AGTPBP1: variants seen among roughly 807,000 people sequenced by gnomAD.
AGTPBP1 encodes ATP/GTP binding carboxypeptidase 1.
AGTPBP1 carries 70 observed loss-of-function variants against 143.9 expected under a neutral mutation model. That is an observed-to-expected ratio of 0.49 (90% CI 0.40 to 0.59). The LOEUF (loss-of-function observed/expected upper bound fraction) is 0.59, where lower values mean the gene tolerates loss of function less well. Ranked by LOEUF, AGTPBP1 falls within the 20% of genes least tolerant of loss-of-function variation. The probability of loss-of-function intolerance (pLI) is 0.00; values close to 1 mark genes in which losing one functional copy is unlikely to be tolerated. For missense variants in AGTPBP1, 1,229 were observed against 1,464.5 expected (o/e 0.84, Z 2.62); for synonymous variants, 463 against 500.2 (o/e 0.93, Z 0.99).
At chr9:85,642,972 G>A (rs1832589018) in intron 12 of AGTPBP1, 29 bp from the exon 13 acceptor site, 2 of 1,505,580 alleles carry the variant, frequency 1.3e-6, no homozygotes, top group Non-Finnish European at 9.1e-7. Flanking sequence ...TATGTTATCA[G>A]GTAAAACAAA....
chr9:85,722,757 G>A (rs755059602), intron 1 of AGTPBP1, among the ~76,000 whole-genome samples: 1 of 152,080 alleles, frequency 6.6e-6, no homozygotes, highest in Non-Finnish European at 1.5e-5. Flanking sequence ...GAGGTGCTCT[G>A]GTTTTTTGAA....
the AGTPBP1 span, among the ~76,000 whole-genome samples, chr9:85,756,996 C>CT: frequency 7.9e-5 from 11 of 138,790 alleles, no homozygotes; most frequent in Non-Finnish European, 1.3e-4. Flanking sequence ...TGTGGGGTTT[C>CT]TTTTTTTTGG....
chr9:85,714,385 T>C (rs1175012929), intron 1 of AGTPBP1, among the ~76,000 whole-genome samples: 1 of 152,208 alleles, frequency 6.6e-6, no homozygotes, highest in Non-Finnish European at 1.5e-5. Flanking sequence ...TTAGCACTGC[T>C]TTTTCTACTG....
intron 3 of AGTPBP1, among the ~76,000 whole-genome samples, chr9:85,688,757 T>C (rs1460797003): frequency 3.3e-5 from 5 of 152,218 alleles, no homozygotes; most frequent in African/African-American, 7.2e-5. Flanking sequence ...TATAAGTTTA[T>C]TGTGTGAATA....
chr9:85,610,834 G>C (rs867592096), intron 17 of AGTPBP1, among the ~76,000 whole-genome samples: 13 of 152,166 alleles, frequency 8.5e-5, no homozygotes, highest in Middle Eastern at 6.8e-3. Flanking sequence ...TTAAATTCTA[G>C]TTTACCAAAA....
At chr9:85,800,666 T>C in the AGTPBP1 span, among the ~76,000 whole-genome samples, 1 of 152,220 alleles carries the variant, frequency 6.6e-6, no homozygotes, top group African/African-American at 2.4e-5. Context: ...GGTCTTAACA[T>C]GTACATATGC....
At chr9:85,654,737 G>A (rs2133927901) in intron 11 of AGTPBP1, among the ~76,000 whole-genome samples, 1 of 152,114 alleles carries the variant, frequency 6.6e-6, no homozygotes. Context: ...TGGCTACTCA[G>A]GAGGCTGAGG....
chr9:85,779,208 TATAGATATAGATATAGATATAG>T, the AGTPBP1 span, among the ~76,000 whole-genome samples: 2 of 138,140 alleles, frequency 1.4e-5, no homozygotes, highest in Admixed American at 1.4e-4. Flanking sequence ...TAGATATAGA[TATAGATATAGATATAGATATAG>T]ATATAGATAT....
the AGTPBP1 span, among the ~76,000 whole-genome samples, chr9:85,747,851 T>C: frequency 6.6e-6 from 1 of 152,106 alleles, no homozygotes. Flanking sequence ...ATTATAGCAA[T>C]AGTTAACATT....
intron 22 of AGTPBP1, 137 bp downstream of exon 22, chr9:85,586,690 TACAA>T (rs988290411): frequency 5.5e-5 from 57 of 1,045,688 alleles, no homozygotes; most frequent in Non-Finnish European, 7.1e-5. Context: ...TTATGAGAAT[TACAA>T]ACATTCAACC....
At chr9:85,623,598 A>G (rs1443034905) in intron 14 of AGTPBP1, among the ~76,000 whole-genome samples, 1 of 152,030 alleles carries the variant, frequency 6.6e-6, no homozygotes, top group East Asian at 1.9e-4. Flanking sequence ...TCTACTAAAA[A>G]ATACAAAAAT....
At chr9:85,714,370 G>A (rs1432135219) in intron 1 of AGTPBP1, among the ~76,000 whole-genome samples, 2 of 152,156 alleles carry the variant, frequency 1.3e-5, no homozygotes, top group Non-Finnish European at 2.9e-5. Context: ...TGAATGAAGT[G>A]CATTTTAGCA....
chr9:85,608,518 TGAA>T (rs1053857773), intron 17 of AGTPBP1, among the ~76,000 whole-genome samples: 6 of 152,022 alleles, frequency 3.9e-5, no homozygotes, highest in African/African-American at 9.7e-5. Flanking sequence ...TCTTCTTATG[TGAA>T]GAAGATATAT....
chr9:85,741,491 C>A (rs112505427), intron 1 of AGTPBP1: 1 of 985,280 alleles, frequency 1.0e-6, no homozygotes, highest in East Asian at 1.1e-4. Context: ...GCCCGATACC[C>A]TCCGCAAGGT....
intron 1 of AGTPBP1, among the ~76,000 whole-genome samples, chr9:85,712,918 A>T (rs1564173102): frequency 6.6e-6 from 1 of 152,218 alleles, no homozygotes; most frequent in South Asian, 2.1e-4. Flanking sequence ...CAATCACAGC[A>T]TCCTGTGATT....
chr9:85,744,807 G>C (rs1477104136), upstream of AGTPBP1, among the ~76,000 whole-genome samples: 4 of 152,136 alleles, frequency 2.6e-5, no homozygotes, highest in African/African-American at 9.7e-5. Flanking sequence ...AGCTTCTCTG[G>C]GGACCCTTTG....
chr9:85,611,257 T>C (rs540171340), intron 17 of AGTPBP1, among the ~76,000 whole-genome samples: 2 of 113,848 alleles, frequency 1.8e-5, no homozygotes, highest in South Asian at 2.6e-4. Flanking sequence ...AGTACAAAAA[T>C]AGAAAGCATA....
At chr9:85,800,989 A>T in the AGTPBP1 span, among the ~76,000 whole-genome samples, 72 of 152,280 alleles carry the variant, frequency 4.7e-4, no homozygotes, top group African/African-American at 1.7e-3. Flanking sequence ...CTTAAGCTAT[A>T]ACTGAAGTTT....
rs200949762 is a variant in AGTPBP1 at position 85,679,524 on chromosome 9, C to T, written c.226-1126G>A. Among the ~76,000 whole-genome samples, 70 of 152,250 alleles carry T rather than the reference C, an allele frequency of 4.6e-4. No homozygotes were observed. The East Asian group carries it at 0.012, about 27-fold the overall frequency. On this transcript the variant is annotated intron_variant, in intron 4 of 25. Coordinates refer to ENST00000357081, the MANE Select transcript of AGTPBP1 (RefSeq NM_001330701.2). ...CCGGGTTCATGCCATTCTCCTGCCTCAGCCTCCCAAGCAGCTGGGACTACA... is the reference window on the plus strand; with the variant it reads ...CCGGGTTCATGCCATTCTCCTGCCTTAGCCTCCCAAGCAGCTGGGACTACA...
Sources: allele counts gnomAD v4.1 joint callset (sites outside exome capture counted in the v4.1 genomes callset), GRCh38; gene constraint gnomAD v4.1.1; transcripts MANE v1.5; gene names NCBI Gene and HGNC (gene_info 2026-07-23, HGNC 2026-07-21).